MTUS2: variants seen among roughly 807,000 people sequenced by gnomAD.
MTUS2 encodes microtubule-associated tumor suppressor candidate 2.
MTUS2 carries 40 observed loss-of-function variants against 114.1 expected under a neutral mutation model. That is an observed-to-expected ratio of 0.35 (90% CI 0.27 to 0.46). The LOEUF is 0.46. Ranked by LOEUF, MTUS2 falls within the 20% of genes least tolerant of loss-of-function variation. The pLI is 1.00. For synonymous variants in MTUS2, 688 were observed against 672.0 expected (o/e 1.02, Z -0.37); for missense variants, 1,679 against 1,705.4 (o/e 0.98, Z 0.27).
Position 29,389,515 on chromosome 13 carries a change from GTATGTGTATA to G in MTUS2, c.3117+30048_3117+30057del, listed in dbSNP as rs1346683226. 1.7e-4 allele frequency among the ~76,000 whole-genome samples: 12 copies of G among 71,690 alleles called. 1 individual carries two copies. The highest frequency in any genetic ancestry group is 2.3e-4 in the African/African-American group (6 of 25,776). 47.0% of individuals were successfully genotyped at this position (71,690 alleles called of 152,430 possible). A position where few individuals can be genotyped will look rare whatever the true frequency, so the allele number is the denominator to read the frequency against. ...TGTGTATATATGTATACACGTGTGT[GTATGTGTATA>G]TATGTATACACGTGTGTATATGTAT... is the stretch of plus-strand genomic sequence containing the variant. On this transcript the variant is annotated intron_variant, in intron 8 of 15. Transcript: ENST00000612955.
At chr13:29,180,643 T>G (rs1457072104) in intron 5 of MTUS2, among the ~76,000 whole-genome samples, 1 of 152,212 alleles carries the variant, frequency 6.6e-6, no homozygotes, top group African/African-American at 2.4e-5. Flanking sequence ...TTATCCAAAC[T>G]TATTGTTTTG....
intron 9 of MTUS2, among the ~76,000 whole-genome samples, chr13:29,447,476 A>G (rs1878368363): frequency 6.6e-6 from 1 of 152,128 alleles, no homozygotes; most frequent in Admixed American, 6.5e-5. Flanking sequence ...AATCATGCTT[A>G]TAAAGACCAA....
At position 29,176,962 on chromosome 13, in the gene MTUS2, G is replaced by A. The variant is rs1004136795; in HGVS notation, c.2644+75992G>A. On this transcript the variant is annotated intron_variant, in intron 5 of 15. Transcript: ENST00000612955. ...TTTACTGTCAATGATCTCTGTTGCC[G>A]TAGAGAGATTGTAGGGAGATTTTGA... Among the ~76,000 whole-genome samples the A allele has an allele frequency of 4.6e-5, 7 of 151,038 alleles. No individual in the cohort carries two copies. In the East Asian group the frequency reaches 5.8e-4, roughly 13 times the overall value.
chr13:29,147,241 A>T (rs1892475454), intron 5 of MTUS2, among the ~76,000 whole-genome samples: 1 of 152,134 alleles, frequency 6.6e-6, no homozygotes, highest in Non-Finnish European at 1.5e-5. Flanking sequence ...CCCACACATC[A>T]ACTCCTTTCC....
chr13:29,159,241 A>C (rs899828814), intron 5 of MTUS2, among the ~76,000 whole-genome samples: 1 of 152,214 alleles, frequency 6.6e-6, no homozygotes, highest in African/African-American at 2.4e-5. Flanking sequence ...CCAGGACTTG[A>C]AAGACACGTA....
chr13:28,992,201 T>C (rs1884892378), intron 2 of MTUS2, among the ~76,000 whole-genome samples: 2 of 152,168 alleles, frequency 1.3e-5, no homozygotes, highest in South Asian at 4.1e-4. Context: ...GGGAAGTGTC[T>C]TAGCAGCAAC....
chr13:29,179,772 C>T (rs1196765073), intron 5 of MTUS2, among the ~76,000 whole-genome samples: 1 of 152,180 alleles, frequency 6.6e-6, no homozygotes, highest in Non-Finnish European at 1.5e-5. Context: ...TGTACCAGCT[C>T]ATATATGTTT....
At chr13:29,262,607 T>G (rs1897519282) in intron 5 of MTUS2, among the ~76,000 whole-genome samples, 1 of 151,592 alleles carries the variant, frequency 6.6e-6, no homozygotes, top group African/African-American at 2.4e-5. Flanking sequence ...GAATTATGAC[T>G]AGCTCTGGGA....
chr13:29,073,714 C>T (rs996892871), intron 4 of MTUS2, among the ~76,000 whole-genome samples: 3 of 152,124 alleles, frequency 2.0e-5, no homozygotes, highest in Non-Finnish European at 4.4e-5. Flanking sequence ...TTGCTGATCA[C>T]GGGGAGTAAC....
intron 5 of MTUS2, among the ~76,000 whole-genome samples, chr13:29,110,145 C>T (rs761844035): frequency 5.3e-5 from 8 of 152,324 alleles, no homozygotes; most frequent in Non-Finnish European, 1.0e-4. Context: ...CACTTGGCTT[C>T]CCTGTAAATG....
intron 5 of MTUS2, 63 bp from the exon 6 acceptor site, chr13:29,281,641 A>G (rs1898273767): frequency 3.3e-6 from 5 of 1,514,948 alleles, no homozygotes; most frequent in South Asian, 1.2e-5. Context: ...GGCAAGTGCA[A>G]ATGGTGAGGG....
chr13:28,840,273 C>T (rs147591751), intron 2 of MTUS2, among the ~76,000 whole-genome samples: 176 of 152,178 alleles, frequency 1.2e-3, no homozygotes, highest in African/African-American at 3.8e-3. Flanking sequence ...TGAGAGAAGA[C>T]GACCAGACTG....
intron 8 of MTUS2, among the ~76,000 whole-genome samples, chr13:29,395,946 G>A (rs1171654130): frequency 6.6e-6 from 1 of 152,170 alleles, no homozygotes; most frequent in Non-Finnish European, 1.5e-5. Flanking sequence ...TGTCAGGTTT[G>A]AAATGAAATA....
chr13:29,347,872 C>T (rs1249257406), intron 7 of MTUS2, among the ~76,000 whole-genome samples: 2 of 151,126 alleles, frequency 1.3e-5, no homozygotes, highest in Non-Finnish European at 3.0e-5. Flanking sequence ...ATCTTACTTA[C>T]ATTTACCAGT....
At chr13:29,129,114 C>G (rs1891643985) in intron 5 of MTUS2, among the ~76,000 whole-genome samples, 1 of 151,024 alleles carries the variant, frequency 6.6e-6, no homozygotes. Context: ...TGCACTTTCT[C>G]TGGTTTATAA....
chr13:29,357,296 T>C (rs1314816472), intron 7 of MTUS2, among the ~76,000 whole-genome samples: 1 of 152,230 alleles, frequency 6.6e-6, no homozygotes, highest in Non-Finnish European at 1.5e-5. Context: ...GAGCGCCTGC[T>C]AACGTCCACA....
At chr13:29,128,097 G>A (rs1006944131) in intron 5 of MTUS2, among the ~76,000 whole-genome samples, 5 of 152,202 alleles carry the variant, frequency 3.3e-5, no homozygotes, top group Non-Finnish European at 5.9e-5. Context: ...AGTAGAAGAA[G>A]AGACAAATTT....
intron 7 of MTUS2, among the ~76,000 whole-genome samples, chr13:29,357,374 T>C (rs9579357): frequency 0.19 from 28,358 of 152,228 alleles, 2,817 homozygotes; most frequent in Middle Eastern, 0.23. Context: ...GAAATTGTTT[T>C]ATTATTTCCT....
chr13:29,158,427 C>A (rs1184498289), intron 5 of MTUS2, among the ~76,000 whole-genome samples: 1 of 145,050 alleles, frequency 6.9e-6, no homozygotes, highest in Non-Finnish European at 1.5e-5. Context: ...GGGCTCAGCC[C>A]AGGCCAATCA....
Sources: gnomAD v4.1 joint callset for allele counts (sites outside exome capture counted in the v4.1 genomes callset) on GRCh38, gnomAD v4.1.1 for gene constraint, MANE v1.5 for transcripts, NCBI Gene and HGNC (gene_info 2026-07-23, HGNC 2026-07-21) for gene names.